The following NPAS3 variants were observed in gnomAD, a reference collection of about 807,000 sequenced individuals.
NPAS3 encodes the protein neuronal PAS domain protein 3.
NPAS3 carries 14 observed loss-of-function variants against 73.1 expected under a neutral mutation model. The ratio of observed to expected loss-of-function variants is 0.19; its 90% confidence interval spans 0.13 to 0.30. NPAS3 has a LOEUF of 0.30. Ranked by LOEUF, NPAS3 falls within the 10% of genes least tolerant of loss-of-function variation. The pLI, the probability that NPAS3 is intolerant of heterozygous loss-of-function variation, is 1.00. For missense variants in NPAS3, 1,096 were observed against 1,250.0 expected (o/e 0.88, Z 1.86); for synonymous variants, 620 against 541.5 (o/e 1.14, Z -2.01).
chr14:33,708,222 C>T (rs566905744), intron 6 of NPAS3, among the ~76,000 whole-genome samples: 15 of 152,122 alleles, frequency 9.9e-5, no homozygotes, highest in Non-Finnish European at 1.3e-4. Context: ...ATGAGCAAGG[C>T]GGTGTCCTCG....
chr14:33,474,878 C>A (rs1319003551), intron 4 of NPAS3, among the ~76,000 whole-genome samples: 2 of 152,132 alleles, frequency 1.3e-5, no homozygotes, highest in African/African-American at 4.8e-5. Context: ...GCTAACTGTA[C>A]CTTACCCATT....
intron 11 of NPAS3, 30 bp from the exon 12 acceptor site, chr14:33,799,704 C>T (rs1277336785): frequency 6.5e-7 from 1 of 1,546,876 alleles, no homozygotes; most frequent in African/African-American, 1.4e-5. Flanking sequence ...CTCTCCGCCC[C>T]CGCCACCGCC....
intron 1 of NPAS3, among the ~76,000 whole-genome samples, chr14:32,995,105 A>G (rs1156773703): frequency 6.6e-6 from 1 of 152,226 alleles, no homozygotes; most frequent in Non-Finnish European, 1.5e-5. Context: ...TGGGCAGCTC[A>G]GCACAGAAAA....
intron 1 of NPAS3, among the ~76,000 whole-genome samples, chr14:33,050,468 A>T (rs1005633695): frequency 1.3e-5 from 2 of 152,030 alleles, no homozygotes; most frequent in Non-Finnish European, 2.9e-5. Flanking sequence ...CTTGTCCCTC[A>T]CTGTGATATG....
At chr14:33,533,467 T>A (rs2054128000) in intron 4 of NPAS3, among the ~76,000 whole-genome samples, 1 of 152,164 alleles carries the variant, frequency 6.6e-6, no homozygotes, top group Non-Finnish European at 1.5e-5. Flanking sequence ...ACTGATGGCA[T>A]CAAATATTGG....
chr14:33,232,713 C>A (rs1380872364), intron 3 of NPAS3, among the ~76,000 whole-genome samples: 2 of 152,128 alleles, frequency 1.3e-5, no homozygotes, highest in African/African-American at 4.8e-5. Flanking sequence ...TCTATTTGTT[C>A]CCTATTTAAA....
intron 1 of NPAS3, among the ~76,000 whole-genome samples, chr14:32,973,511 A>T (rs1319799208): frequency 1.4e-5 from 2 of 147,768 alleles, no homozygotes; most frequent in Non-Finnish European, 3.0e-5. Context: ...AATTCTGTTT[A>T]TAGTTCTATG....
At chr14:33,322,111 C>A (rs2043474679) in intron 3 of NPAS3, among the ~76,000 whole-genome samples, 1 of 152,134 alleles carries the variant, frequency 6.6e-6, no homozygotes, top group Non-Finnish European at 1.5e-5. Flanking sequence ...TAGCAGCTCC[C>A]TAGTGTAGTG....
intron 2 of NPAS3, among the ~76,000 whole-genome samples, chr14:33,080,116 A>T (rs9322917): frequency 0.33 from 50,450 of 151,446 alleles, 8,578 homozygotes; most frequent in African/African-American, 0.43. Flanking sequence ...TTTATTTTTT[A>T]ATTTTTTTGG....
chr14:33,492,563 G>A (rs568848395), intron 4 of NPAS3, among the ~76,000 whole-genome samples: 1 of 152,110 alleles, frequency 6.6e-6, no homozygotes, highest in Admixed American at 6.6e-5. Flanking sequence ...TTTCATCAAA[G>A]GACTAGTATT....
intron 4 of NPAS3, among the ~76,000 whole-genome samples, chr14:33,551,486 A>C (rs1420320680): frequency 6.6e-6 from 1 of 152,216 alleles, no homozygotes; most frequent in East Asian, 1.9e-4. Flanking sequence ...GTGTGTTTTC[A>C]GGTAAGTGAG....
At chr14:33,769,821 G>A (rs1454467686) in intron 7 of NPAS3, among the ~76,000 whole-genome samples, 1 of 129,256 alleles carries the variant, frequency 7.7e-6, no homozygotes, top group African/African-American at 3.0e-5. Context: ...CTGGCGTGCA[G>A]TGGCGGAATC....
chr14:33,101,268 T>C (rs757545851), intron 2 of NPAS3, among the ~76,000 whole-genome samples: 4 of 152,172 alleles, frequency 2.6e-5, no homozygotes, highest in Admixed American at 6.6e-5. Context: ...TAAAAAGTTA[T>C]GCCTAGTTGT....
intron 4 of NPAS3, among the ~76,000 whole-genome samples, chr14:33,377,828 A>C (rs960477289): frequency 9.9e-5 from 15 of 152,210 alleles, no homozygotes; most frequent in Non-Finnish European, 1.5e-5. Flanking sequence ...AGGTTCTAGA[A>C]AAGTGAAACA....
At chr14:33,344,403 T>C (rs957892279) in intron 3 of NPAS3, among the ~76,000 whole-genome samples, 1 of 152,238 alleles carries the variant, frequency 6.6e-6, no homozygotes. Flanking sequence ...GCATGGATAG[T>C]CATGTATATG....
intron 5 of NPAS3, among the ~76,000 whole-genome samples, chr14:33,665,380 C>T (rs775247096): frequency 7.9e-5 from 12 of 152,128 alleles, no homozygotes; most frequent in East Asian, 5.8e-4. Flanking sequence ...ACCACCATGG[C>T]GCGTGTATAC....
At chr14:33,019,794 G>A (rs1595243594) in intron 1 of NPAS3, among the ~76,000 whole-genome samples, 1 of 152,184 alleles carries the variant, frequency 6.6e-6, no homozygotes, top group East Asian at 1.9e-4. Context: ...GGATCAGTTA[G>A]AAGGGACAGA....
At chr14:33,191,933 G>C (rs79290130) in intron 2 of NPAS3, among the ~76,000 whole-genome samples, 286 of 152,256 alleles carry the variant, frequency 1.9e-3, no homozygotes, top group Non-Finnish European at 2.9e-3. Flanking sequence ...ATCATAAAAA[G>C]TCCTTTAAAT....
Position 33,571,421 on chromosome 14 carries a change from A to G in NPAS3, c.558+11211A>G, listed in dbSNP as rs374381784. Among the ~76,000 whole-genome samples the G allele has an allele frequency of 4.3e-4, 65 of 152,246 alleles. 1 individual carries two copies. Among genetic ancestry groups the G allele is most frequent in the African/African-American group, 1.5e-3 (64 of 41,554 alleles). The stretch of plus-strand genomic sequence containing the variant: ...TAGGCTATTTTATTTTTACCCTTCA[A>G]AGGAATTTAGTTGAGCAGATGCTAC... On this transcript the variant is annotated intron_variant, in intron 5 of 11. Transcript: ENST00000356141.
Sources: gnomAD v4.1 joint callset for allele counts (sites outside exome capture counted in the v4.1 genomes callset) on GRCh38, gnomAD v4.1.1 for gene constraint, MANE v1.5 for transcripts, NCBI Gene and HGNC (gene_info 2026-07-23, HGNC 2026-07-21) for gene names.